ACOT7: variants seen among roughly 807,000 people sequenced by gnomAD.
ACOT7 encodes cytosolic acyl coenzyme A thioester hydrolase.
A neutral mutation model predicts 40.2 loss-of-function variants in ACOT7; 12 were observed. The observed-to-expected ratio is 0.30, with a 90% confidence interval of 0.19 to 0.48. The LOEUF (loss-of-function observed/expected upper bound fraction) is 0.48, where lower values mean the gene tolerates loss of function less well. Ranked by LOEUF, ACOT7 falls within the 20% of genes least tolerant of loss-of-function variation. The pLI, the probability that ACOT7 is intolerant of heterozygous loss-of-function variation, is 0.99. For missense variants in ACOT7, 395 were observed against 530.8 expected (o/e 0.74, Z 2.51); for synonymous variants, 228 against 219.5 (o/e 1.04, Z -0.34).
intron 2 of ACOT7, among the ~76,000 whole-genome samples, chr1:6,346,743 C>A (rs1472652230): frequency 6.6e-6 from 1 of 152,116 alleles, no homozygotes; most frequent in Non-Finnish European, 1.5e-5. Flanking sequence ...ATCAGGTGAT[C>A]GGGTGATCGG....
At chr1:6,379,580 C>A (rs1642297405) in intron 1 of ACOT7, among the ~76,000 whole-genome samples, 1 of 151,732 alleles carries the variant, frequency 6.6e-6, no homozygotes, top group Non-Finnish European at 1.5e-5. Flanking sequence ...CCTCTCACCT[C>A]AGCCTCCCAA....
At chr1:6,372,389 T>C (rs1642147221) in intron 1 of ACOT7, among the ~76,000 whole-genome samples, 1 of 152,236 alleles carries the variant, frequency 6.6e-6, no homozygotes, top group Admixed American at 6.5e-5. Flanking sequence ...GCTGTTTTGC[T>C]TTCTTATCAT....
chr1:6,313,542 T>G (rs148382692), intron 6 of ACOT7, among the ~76,000 whole-genome samples: 9 of 152,252 alleles, frequency 5.9e-5, no homozygotes, highest in Non-Finnish European at 1.3e-4. Context: ...CATCAGTCAC[T>G]CCAATGTCTA....
rs1642579159 is a variant in ACOT7 at position 6,393,641 on chromosome 1, A to G, written c.-242T>C. ...GCGGTTGGGCCGCGCCGGTGCGGGG[A>G]AGGCCCGCTAGCCGCGGCAGCCGCG... On this transcript the variant is annotated 5_prime_UTR_variant, in exon 1 of 9. Coordinates refer to ENST00000361521, the MANE Select transcript of ACOT7 (RefSeq NM_007274.4). 3.4e-6 allele frequency: 1 copy of G among 292,462 alleles called. No homozygotes were observed. The highest frequency in any genetic ancestry group is 5.3e-5 in the Admixed American group (1 of 18,862). 18.1% of individuals were successfully genotyped at this position (292,462 alleles called of 1,614,324 possible).
chr1:6,277,643 G>T (rs552960901), intron 8 of ACOT7, among the ~76,000 whole-genome samples: 1 of 152,318 alleles, frequency 6.6e-6, no homozygotes, highest in East Asian at 1.9e-4. Context: ...CACCTGAATG[G>T]TCCCCACAAG....
Position 6,306,423 on chromosome 1 carries a change from G to A in ACOT7, c.713-11443C>T. 1.0e-6 allele frequency: 1 copy of A among 985,322 alleles called. No homozygotes were observed. The allele number at this position is 985,322 out of a possible 1,614,324, so 61.0% of individuals were successfully genotyped here. A position where few individuals can be genotyped will look rare whatever the true frequency, so the allele number is the denominator to read the frequency against. ...GCCTATAGGATGCTTGGACTGGAGT[G>A]ATATGAACCCCACGCCCAGGCTTTC... On this transcript the variant is annotated intron_variant, in intron 6 of 8. Coordinates refer to ENST00000361521, the MANE Select transcript of ACOT7 (RefSeq NM_007274.4). This position sits in a 1 kb window ranked among gnomAD's most constrained non-coding sequence, Gnocchi z 4.3.
chr1:6,357,870 C>CTT (rs148990897), intron 1 of ACOT7, among the ~76,000 whole-genome samples: 11,633 of 143,574 alleles, frequency 0.081, 510 homozygotes, highest in Non-Finnish European at 0.097. Context: ...TGCTTCTCCT[C>CTT]TTTTTTTTTT....
Position 6,327,411 on chromosome 1 carries a change from A to G in ACOT7, c.513T>C (p.Tyr171=). The change falls in exon 5 of 9, where the codon TAT becomes TAC. Residue 171 remains tyrosine (Y), a splice_region_variant and synonymous_variant. Transcript: ENST00000361521. The part of the protein sequence containing the change: ...DKVLEVPPVV[Y]SRQEQEEEGR... ...CCTCCTCCTCCTGCTCCTGCCGGGA[A>G]TACTGCGAGAAACCAAAGACAGGTC... 1 of 1,614,078 alleles carries G rather than the reference A, an allele frequency of 6.2e-7. No individual in the cohort carries two copies. Among genetic ancestry groups the G allele is most frequent in the Admixed American group, 1.7e-5 (1 of 60,014 alleles).
intron 5 of ACOT7, among the ~76,000 whole-genome samples, chr1:6,319,947 C>T (rs1235623770): frequency 6.6e-6 from 1 of 152,214 alleles, no homozygotes; most frequent in Non-Finnish European, 1.5e-5. Context: ...CTTGATGTCT[C>T]TGGCCCTCTG....
chr1:6,344,517 G>A (rs1641363651), intron 2 of ACOT7, among the ~76,000 whole-genome samples: 1 of 152,152 alleles, frequency 6.6e-6, no homozygotes, highest in South Asian at 2.1e-4. Context: ...TGTAATCCCA[G>A]CACTTTAGGA....
At position 6,372,554 on chromosome 1, in the gene ACOT7, C is replaced by CTTTT. The variant is rs563026803; in HGVS notation, c.143+20699_143+20702dup. ...AAGTTTAATCATGTCTAACTTTTGG[C>CTTTT]TTTTTTTTTTTTTTTTTTGAGAGTC... On this transcript the variant is annotated intron_variant, in intron 1 of 8. Transcript: ENST00000361521. Among the ~76,000 whole-genome samples, 524 of 128,570 alleles carry CTTTT rather than the reference C, an allele frequency of 4.1e-3. 15 individuals carry two copies. The highest frequency in any genetic ancestry group is 0.015 in the African/African-American group (495 of 33,450). 84.3% of individuals were successfully genotyped at this position (128,570 alleles called of 152,430 possible).
chr1:6,351,101 A>T (rs1389266718), intron 1 of ACOT7, among the ~76,000 whole-genome samples: 2 of 152,208 alleles, frequency 1.3e-5, no homozygotes, highest in Non-Finnish European at 2.9e-5. Context: ...GAAACCCACC[A>T]TCTGGCCACA....
chr1:6,309,119 C>T (rs974927097), intron 6 of ACOT7, among the ~76,000 whole-genome samples: 5 of 152,194 alleles, frequency 3.3e-5, no homozygotes, highest in East Asian at 1.9e-4. Context: ...GCAAAACAGA[C>T]GTGGTCTCCA....
rs1279531394 is a variant in ACOT7, at chr1:6,299,541, G to A, written c.713-4561C>T. On this transcript the variant is annotated intron_variant, in intron 6 of 8. Transcript: ENST00000361521. The surrounding 1 kb of genome is among the most constrained non-coding windows in gnomAD (Gnocchi z 4.1). Reference sequence around the variant, plus strand: ...CCCCTTACCAGGCACCACACACAGAGGGCACAGAGGACAGTCGGCCTCCCC... The same window carrying A: ...CCCCTTACCAGGCACCACACACAGAAGGCACAGAGGACAGTCGGCCTCCCC... 6.6e-6 allele frequency among the ~76,000 whole-genome samples: 1 copy of A among 152,016 alleles called. No individual in the cohort carries two copies. Among genetic ancestry groups the A allele is most frequent in the Non-Finnish European group, 1.5e-5 (1 of 68,006 alleles).
intron 1 of ACOT7, among the ~76,000 whole-genome samples, chr1:6,360,154 A>T (rs941609407): frequency 6.6e-6 from 1 of 152,242 alleles, no homozygotes; most frequent in African/African-American, 2.4e-5. Context: ...TCAGCTTACA[A>T]ACCCCACACG....
At chr1:6,270,551 G>C (rs1639002408) in intron 8 of ACOT7, among the ~76,000 whole-genome samples, 1 of 152,232 alleles carries the variant, frequency 6.6e-6, no homozygotes, top group African/African-American at 2.4e-5. Context: ...TGTATCCCGG[G>C]CACCTGCCTG....
intron 7 of ACOT7, among the ~76,000 whole-genome samples, chr1:6,290,645 G>A (rs1397281750): frequency 7.9e-5 from 12 of 152,184 alleles, no homozygotes; most frequent in African/African-American, 1.2e-4. Flanking sequence ...TGCAACCCTC[G>A]GTCTATGCGA....
rs756275838 is a variant in ACOT7, at chr1:6,333,573, A to G, written c.419-5T>C. On this transcript the variant is annotated splice_polypyrimidine_tract_variant and splice_region_variant and intron_variant, in intron 3 of 8. Transcript: ENST00000361521. Reference sequence around the variant, plus strand: ...TATTGGTCAGCTTTTTGGCACCTTAAGAGAAGAAAATCACATTAAGTGACG... The same window carrying G: ...TATTGGTCAGCTTTTTGGCACCTTAGGAGAAGAAAATCACATTAAGTGACG... 6.2e-7 allele frequency: 1 copy of G among 1,614,146 alleles called. No homozygotes were observed. The highest frequency in any genetic ancestry group is 1.7e-5 in the Admixed American group (1 of 60,026).
chr1:6,330,302 A>G lies in ACOT7; in HGVS notation c.511-2889T>C, dbSNP rs1001298860. Among the ~76,000 whole-genome samples, 1 of 152,184 alleles carries G rather than the reference A, an allele frequency of 6.6e-6. No individual in the cohort carries two copies. Among genetic ancestry groups the G allele is most frequent in the Non-Finnish European group, 1.5e-5 (1 of 68,034 alleles). ...CATAAATGCCCATCGGAGCCAGGGAAGGAAGCTGTACTTTCTGGGATTCCT... is the reference window on the plus strand; with the variant it reads ...CATAAATGCCCATCGGAGCCAGGGAGGGAAGCTGTACTTTCTGGGATTCCT... On this transcript the variant is annotated intron_variant, in intron 4 of 8. Transcript: ENST00000361521. The surrounding 1 kb of genome is among the most constrained non-coding windows in gnomAD (Gnocchi z 4.6).
Sources: allele counts gnomAD v4.1 joint callset (sites outside exome capture counted in the v4.1 genomes callset), GRCh38; gene constraint gnomAD v4.1.1; non-coding constraint Gnocchi (gnomAD v3.1); transcripts MANE v1.5; gene names NCBI Gene and HGNC (gene_info 2026-07-23, HGNC 2026-07-21).